MGMT: variants seen among roughly 807,000 people sequenced by gnomAD.
The protein encoded by MGMT is methylated-DNA--protein-cysteine methyltransferase.
A neutral mutation model predicts 15.9 loss-of-function variants in MGMT; 14 were observed. The observed-to-expected ratio is 0.88, with a 90% confidence interval of 0.58 to 1.37. The LOEUF (loss-of-function observed/expected upper bound fraction) is 1.37, where lower values mean the gene tolerates loss of function less well. Among genes scored for constraint, MGMT ranks in the 40% most tolerant of loss-of-function variants. MGMT has a pLI of 0.00. For missense variants in MGMT, 282 were observed against 268.1 expected (o/e 1.05, Z -0.36); for synonymous variants, 130 against 118.2 (o/e 1.10, Z -0.65).
At chr10:129,664,219 A>C (rs1437856884) in intron 2 of MGMT, among the ~76,000 whole-genome samples, 1 of 152,224 alleles carries the variant, frequency 6.6e-6, no homozygotes, top group Non-Finnish European at 1.5e-5. Flanking sequence ...GGAAGGAAAA[A>C]AGTACCAATG....
intron 2 of MGMT, among the ~76,000 whole-genome samples, chr10:129,560,988 T>C (rs1762462): frequency 3.0e-3 from 209 of 69,700 alleles, no homozygotes; most frequent in Middle Eastern, 0.017. Flanking sequence ...TGTGTGTGTG[T>C]GTGTGTGTGT....
At chr10:129,577,141 C>G (rs1433332305) in intron 2 of MGMT, among the ~76,000 whole-genome samples, 2 of 152,276 alleles carry the variant, frequency 1.3e-5, no homozygotes, top group East Asian at 3.9e-4. Context: ...ATGCCATCCC[C>G]ATCAAGCTAC....
chr10:129,591,797 G>A (rs1846689715), intron 2 of MGMT, among the ~76,000 whole-genome samples: 1 of 152,174 alleles, frequency 6.6e-6, no homozygotes, highest in South Asian at 2.1e-4. Flanking sequence ...CAGGCATGGT[G>A]GTAGGCACCT....
chr10:129,541,135 G>A (rs1295419073), intron 2 of MGMT, among the ~76,000 whole-genome samples: 2 of 152,202 alleles, frequency 1.3e-5, no homozygotes, highest in Non-Finnish European at 1.5e-5. Context: ...TGTGATTCCC[G>A]CTCCCCAGGT....
intron 2 of MGMT, among the ~76,000 whole-genome samples, chr10:129,683,464 C>G (rs990972300): frequency 5.9e-5 from 9 of 152,158 alleles, no homozygotes; most frequent in African/African-American, 2.2e-4. Flanking sequence ...GAGAAAATGC[C>G]CGGGTGAGTG....
At chr10:129,660,791 C>CAT (rs1028621661) in intron 2 of MGMT, among the ~76,000 whole-genome samples, 7 of 151,866 alleles carry the variant, frequency 4.6e-5, no homozygotes, top group Non-Finnish European at 8.8e-5. Flanking sequence ...CACACACACA[C>CAT]ACACACACGC....
At chr10:129,577,960 A>G (rs1314181941) in intron 2 of MGMT, among the ~76,000 whole-genome samples, 3 of 152,246 alleles carry the variant, frequency 2.0e-5, no homozygotes, top group Non-Finnish European at 4.4e-5. Context: ...CATCAGAGAA[A>G]TGCAACTCAA....
intron 3 of MGMT, among the ~76,000 whole-genome samples, chr10:129,708,386 T>A (rs1848192967): frequency 6.6e-6 from 1 of 152,234 alleles, no homozygotes; most frequent in Admixed American, 6.5e-5. Flanking sequence ...ACTATCTGCT[T>A]GCCAACAGCA....
chr10:129,719,779 A>T (rs922342656), intron 3 of MGMT, among the ~76,000 whole-genome samples: 1 of 152,210 alleles, frequency 6.6e-6, no homozygotes, highest in African/African-American at 2.4e-5. Context: ...GGCAGAACAT[A>T]GTTTAGCCCA....
intron 3 of MGMT, among the ~76,000 whole-genome samples, chr10:129,755,816 A>G (rs776178845): frequency 1.3e-5 from 2 of 152,200 alleles, no homozygotes; most frequent in Non-Finnish European, 2.9e-5. Context: ...ATTATCACCG[A>G]GGAGAGATGG....
chr10:129,486,262 G>A (rs368743028), intron 1 of MGMT, among the ~76,000 whole-genome samples: 5 of 148,162 alleles, frequency 3.4e-5, no homozygotes, highest in African/African-American at 1.0e-4. Flanking sequence ...ATCTTGGCTC[G>A]CTGCGACCTC....
intron 3 of MGMT, among the ~76,000 whole-genome samples, chr10:129,712,072 C>G (rs1848239290): frequency 1.3e-5 from 2 of 152,172 alleles, no homozygotes; most frequent in South Asian, 2.1e-4. Flanking sequence ...TCAAGAAAAG[C>G]AGACCTACGG....
chr10:129,532,663 G>A lies in MGMT; in HGVS notation c.-12-3578G>A, dbSNP rs928909559. Among the ~76,000 whole-genome samples, 1 of 152,100 alleles carries A rather than the reference G, an allele frequency of 6.6e-6. No individual in the cohort carries two copies. The highest frequency in any genetic ancestry group is 1.5e-5 in the Non-Finnish European group (1 of 68,026). On this transcript the variant is annotated intron_variant, in intron 1 of 4. Transcript: ENST00000651593. This position sits in a 1 kb window ranked among gnomAD's most constrained non-coding sequence, Gnocchi z 5.3. ...TCCCCTTTGGCTGACGCTTGGATTG[G>A]GGGTGAACTCGAGGTGTGGTCTGTG...
chr10:129,736,002 A>G (rs1357218387), intron 3 of MGMT, among the ~76,000 whole-genome samples: 2 of 100,336 alleles, frequency 2.0e-5, no homozygotes, highest in East Asian at 6.4e-4. Context: ...ATTTTGGAAT[A>G]GGTGTGGTGT....
chr10:129,693,199 G>C (rs1391252314), intron 2 of MGMT, among the ~76,000 whole-genome samples: 1 of 152,342 alleles, frequency 6.6e-6, no homozygotes, highest in East Asian at 1.9e-4. Flanking sequence ...AACAGGTGGA[G>C]GATTTCCAGG....
chr10:129,726,480 G>A (rs113969780), intron 3 of MGMT, among the ~76,000 whole-genome samples: 5 of 152,256 alleles, frequency 3.3e-5, no homozygotes, highest in African/African-American at 1.2e-4. Context: ...AGGGGTCTTA[G>A]GTTCCACCCC....
At chr10:129,647,823 C>T (rs149315476) in intron 2 of MGMT, among the ~76,000 whole-genome samples, 1 of 152,276 alleles carries the variant, frequency 6.6e-6, no homozygotes, top group African/African-American at 2.4e-5. Flanking sequence ...TTTCTAGCAG[C>T]CCATTTGATT....
At chr10:129,513,363 T>A (rs927425755) in intron 1 of MGMT, among the ~76,000 whole-genome samples, 1 of 152,230 alleles carries the variant, frequency 6.6e-6, no homozygotes, top group Non-Finnish European at 1.5e-5. Context: ...AATTACACAC[T>A]TACAAAATAG....
intron 2 of MGMT, among the ~76,000 whole-genome samples, chr10:129,707,237 A>G (rs1334340611): frequency 1.3e-5 from 2 of 152,138 alleles, no homozygotes; most frequent in East Asian, 3.9e-4. Flanking sequence ...AGATCGAGCC[A>G]TTGTACTCCA....
Sources: gnomAD v4.1 joint callset for allele counts (sites outside exome capture counted in the v4.1 genomes callset) on GRCh38, gnomAD v4.1.1 for gene constraint, Gnocchi (gnomAD v3.1) non-coding constraint, MANE v1.5 for transcripts, NCBI Gene and HGNC (gene_info 2026-07-23, HGNC 2026-07-21) for gene names.